The following CYFIP1 variants were observed in gnomAD, a reference collection of about 807,000 sequenced individuals.
CYFIP1 encodes cytoplasmic FMR1-interacting protein 1.
Under a neutral mutation model 163.5 loss-of-function variants are expected in CYFIP1, and 58 were observed. The observed-to-expected ratio is 0.35, with a 90% CI of 0.29 to 0.44. The LOEUF is 0.44. CYFIP1 is among the 20% of genes least tolerant of loss of function. The pLI is 1.00. For synonymous variants in CYFIP1, 663 were observed against 660.7 expected (o/e 1.00, Z -0.05); for missense variants, 1,338 against 1,653.8 (o/e 0.81, Z 3.31).
At position 22,868,290 on chromosome 15, in the gene CYFIP1, T is replaced by C. The variant is rs938960481; in HGVS notation, c.*1738A>G. 1.3e-5 allele frequency: 2 copies of C among 152,216 alleles called. No individual in the cohort carries two copies. The highest frequency in any genetic ancestry group is 6.5e-5 in the Admixed American group (1 of 15,284). 9.4% of individuals were successfully genotyped at this position (152,216 alleles called of 1,614,324 possible). A position where few individuals can be genotyped will look rare whatever the true frequency, so the allele number is the denominator to read the frequency against. ...TGTTTATATACTGTACCTACATCTG[T>C]GCTTTGTACATAAAAGAACCAGTTT... is the stretch of plus-strand genomic sequence containing the variant. On this transcript the variant is annotated 3_prime_UTR_variant, in exon 31 of 31. Coordinates refer to ENST00000617928, the MANE Select transcript of CYFIP1 (RefSeq NM_014608.6).
chr15:22,923,293 G>A (rs2061249055), intron 13 of CYFIP1, among the ~76,000 whole-genome samples: 1 of 152,118 alleles, frequency 6.6e-6, no homozygotes, highest in Non-Finnish European at 1.5e-5. Flanking sequence ...AATTAAAAAT[G>A]GGCAAAGGAT....
intron 6 of CYFIP1, among the ~76,000 whole-genome samples, chr15:22,940,272 TC>T (rs975976108): frequency 6.6e-6 from 1 of 152,110 alleles, no homozygotes; most frequent in African/African-American, 2.4e-5. Flanking sequence ...ATTCACTTCC[TC>T]CCCTTCCTCC....
intron 1 of CYFIP1, among the ~76,000 whole-genome samples, chr15:22,949,583 C>T (rs2062180548): frequency 1.3e-5 from 2 of 152,138 alleles, no homozygotes; most frequent in South Asian, 4.1e-4. Context: ...AAGCAAAAAT[C>T]AAAGTACTGT....
At chr15:22,890,309 C>CAA (rs916023349) in intron 23 of CYFIP1, among the ~76,000 whole-genome samples, 6 of 81,490 alleles carry the variant, frequency 7.4e-5, no homozygotes, top group Non-Finnish European at 1.0e-4. Flanking sequence ...GACTCCATCT[C>CAA]AAAAAAAAAA....
In CYFIP1 at chr15:22,928,011, G is replaced by T. The variant is rs1469066675; in HGVS notation, c.1128C>A (p.Gly376=). The T allele has an allele frequency of 1.3e-6, 2 of 1,570,584 alleles. No individual in the cohort carries two copies. Among genetic ancestry groups the T allele is most frequent in the East Asian group, 4.7e-5 (2 of 42,532 alleles). Residue 376 remains glycine, a synonymous_variant, in exon 12 of 31, where the codon GGC becomes GGA. Transcript: ENST00000617928. ...CGTCCGTCTTCTGGGCCTCCTGGCG[G>T]CCCGAGCCCGTGACCACCTGCACAA... ...YSNSEVVTGS[G]RQEAQKTDAE... is the part of the protein sequence containing the mutation.
Position 22,909,176 on chromosome 15 carries a change from C to T in CYFIP1, c.2388+18G>A. 6.2e-7 allele frequency: 1 copy of T among 1,613,506 alleles called. No individual in the cohort carries two copies. The highest frequency in any genetic ancestry group is 8.5e-7 in the Non-Finnish European group (1 of 1,179,490). On this transcript the variant is annotated intron_variant, in intron 21 of 30. Coordinates refer to ENST00000617928, the MANE Select transcript of CYFIP1 (RefSeq NM_014608.6). ...CCCTTAGTCCAATTTATCAATAGGG[C>T]AAAGTGAAATTACTTACAACTATGG...
chr15:22,944,529 C>A, intron 5 of CYFIP1, 29 bp downstream of exon 5: 1 of 1,487,428 alleles, frequency 6.7e-7, no homozygotes, highest in South Asian at 1.2e-5. Context: ...CTCGGTGTTA[C>A]ACCCCCCCCA....
chr15:22,909,707 A>G (rs2060716548), intron 20 of CYFIP1, among the ~76,000 whole-genome samples: 1 of 152,088 alleles, frequency 6.6e-6, no homozygotes, highest in African/African-American at 2.4e-5. Context: ...GTAATGTAAC[A>G]TCACTTTTAA....
At chr15:22,892,495 C>A (rs776581838) in intron 23 of CYFIP1, among the ~76,000 whole-genome samples, 12 of 152,152 alleles carry the variant, frequency 7.9e-5, no homozygotes, top group Non-Finnish European at 1.8e-4. Flanking sequence ...GGCCTTACAG[C>A]CACCCTGGGC....
Position 22,903,947 on chromosome 15 carries a change from G to C in CYFIP1, c.2389-42C>G, listed in dbSNP as rs538747134. 47 of 1,594,690 alleles carry C rather than the reference G, an allele frequency of 2.9e-5. No homozygotes were observed. In the East Asian group the frequency reaches 1.1e-3, roughly 36 times the overall value. On this transcript the variant is annotated intron_variant, in intron 21 of 30. Transcript: ENST00000617928. The stretch of plus-strand genomic sequence containing the variant: ...AGGGGTGGGTGACAGAGCTGGTCCA[G>C]GCAGGAAGGAGGCGCCGAGTGGCCT...
intron 18 of CYFIP1, among the ~76,000 whole-genome samples, chr15:22,911,416 G>C (rs568170454): frequency 6.6e-6 from 1 of 152,290 alleles, no homozygotes; most frequent in South Asian, 2.1e-4. Flanking sequence ...GTGGGTTCCT[G>C]CCCTGGGGCA....
intron 16 of CYFIP1, among the ~76,000 whole-genome samples, chr15:22,915,758 C>T (rs1180247619): frequency 1.3e-5 from 2 of 151,874 alleles, no homozygotes; most frequent in Non-Finnish European, 2.9e-5. Context: ...CAACAAAAAA[C>T]AAAACAAAAA....
At chr15:22,891,534 T>C (rs2060082652) in intron 23 of CYFIP1, among the ~76,000 whole-genome samples, 2 of 152,246 alleles carry the variant, frequency 1.3e-5, no homozygotes, top group East Asian at 1.9e-4. Context: ...ATCCCCTTCA[T>C]CACTGCACAC....
chr15:22,925,892 G>C, intron 13 of CYFIP1, 90 bp downstream of exon 13: 1 of 1,552,232 alleles, frequency 6.4e-7, no homozygotes, highest in Non-Finnish European at 8.8e-7. Flanking sequence ...TGAGTAAACA[G>C]GCAGTTTTGT....
At chr15:22,921,764 C>CAAAA (rs35027433) in intron 13 of CYFIP1, among the ~76,000 whole-genome samples, 38 of 57,764 alleles carry the variant, frequency 6.6e-4, no homozygotes, top group African/African-American at 9.0e-4. Flanking sequence ...GACTCTGTCT[C>CAAAA]AAAAAAAAAA....
chr15:22,874,692 C>T (rs376966158), intron 27 of CYFIP1, 48 bp from the exon 28 acceptor site: 45 of 1,294,748 alleles, frequency 3.5e-5, no homozygotes, highest in Admixed American at 1.1e-4. Flanking sequence ...TTGTATGAAA[C>T]GGTAATTGCA....
chr15:22,882,201 C>G (rs969069202), intron 24 of CYFIP1, among the ~76,000 whole-genome samples: 1 of 152,200 alleles, frequency 6.6e-6, no homozygotes, highest in Non-Finnish European at 1.5e-5. Context: ...GAGGGGAGAG[C>G]TTTGTCGCCA....
chr15:22,886,886 C>T (rs1329712399), intron 23 of CYFIP1, among the ~76,000 whole-genome samples: 5 of 152,166 alleles, frequency 3.3e-5, no homozygotes, highest in African/African-American at 1.2e-4. Flanking sequence ...GAGTTGAAGT[C>T]CCCAACTGTA....
chr15:22,914,319 C>T (rs544473469), intron 17 of CYFIP1, among the ~76,000 whole-genome samples: 2 of 152,246 alleles, frequency 1.3e-5, no homozygotes, highest in South Asian at 2.1e-4. Flanking sequence ...AAAGTAGGAA[C>T]GTGACTGGTT....
Sources: gnomAD v4.1 joint callset for allele counts (sites outside exome capture counted in the v4.1 genomes callset) on GRCh38, gnomAD v4.1.1 for gene constraint, MANE v1.5 for transcripts, NCBI Gene and HGNC (gene_info 2026-07-23, HGNC 2026-07-21) for gene names.